Variants in CEP63 observed in about 807,000 individuals in gnomAD.
The protein encoded by CEP63 is centrosomal protein of 63 kDa.
In CEP63, 84 loss-of-function variants were observed where a neutral mutation model predicts 89.1. The ratio of observed to expected loss-of-function variants is 0.94; its 90% confidence interval spans 0.79 to 1.13. The LOEUF (loss-of-function observed/expected upper bound fraction) is 1.13. Among genes scored for constraint, CEP63 ranks in the 50% most tolerant of loss-of-function variants. The pLI is 0.00. For missense variants in CEP63, 838 were observed against 813.3 expected (o/e 1.03, Z -0.37); for synonymous variants, 267 against 272.5 (o/e 0.98, Z 0.20).
At chr3:134,511,795 A>C (rs904811421) in intron 3 of CEP63, among the ~76,000 whole-genome samples, 3 of 152,184 alleles carry the variant, frequency 2.0e-5, no homozygotes, top group African/African-American at 7.2e-5. Flanking sequence ...GCAAGGGGGA[A>C]GTCTGCCCCC....
At chr3:134,656,558 C>G in the CEP63 span, among the ~76,000 whole-genome samples, 2 of 152,120 alleles carry the variant, frequency 1.3e-5, no homozygotes, top group African/African-American at 4.8e-5. Flanking sequence ...CACTGTCACC[C>G]GAAACTGGCC....
At chr3:134,681,884 A>G in the CEP63 span, among the ~76,000 whole-genome samples, 4 of 152,240 alleles carry the variant, frequency 2.6e-5, no homozygotes, top group Admixed American at 2.0e-4. Flanking sequence ...CAGAGAAGTT[A>G]AAAATGTGCC....
chr3:134,572,550 T>C (rs945796582), intron 11 of CEP63, among the ~76,000 whole-genome samples: 5 of 152,230 alleles, frequency 3.3e-5, no homozygotes, highest in African/African-American at 1.2e-4. Context: ...GATAATGGCC[T>C]CTGGCTGCAT....
At chr3:134,690,742 GATTTT>G in the CEP63 span, among the ~76,000 whole-genome samples, 14 of 84,944 alleles carry the variant, frequency 1.6e-4, no homozygotes, top group Non-Finnish European at 2.4e-4. Flanking sequence ...GGAAGACCAA[GATTTT>G]TTTTTTTTTT....
intron 3 of CEP63, among the ~76,000 whole-genome samples, chr3:134,511,775 C>G (rs757470317): frequency 1.3e-5 from 2 of 152,148 alleles, no homozygotes; most frequent in Non-Finnish European, 2.9e-5. Flanking sequence ...AATTCACTAT[C>G]ACAAGAACAG....
At chr3:134,501,059 T>C (rs751308076) in intron 2 of CEP63, among the ~76,000 whole-genome samples, 1 of 152,190 alleles carries the variant, frequency 6.6e-6, no homozygotes, top group Non-Finnish European at 1.5e-5. Flanking sequence ...TTCATACAAG[T>C]AGCCAGTTTT....
At chr3:134,540,300 A>T (rs1215182608) in intron 6 of CEP63, among the ~76,000 whole-genome samples, 1 of 152,186 alleles carries the variant, frequency 6.6e-6, no homozygotes, top group African/African-American at 2.4e-5. Context: ...CCTATCGTTA[A>T]ATGTATAATG....
chr3:134,720,305 G>T, the CEP63 span, among the ~76,000 whole-genome samples: 1 of 151,856 alleles, frequency 6.6e-6, no homozygotes, highest in Non-Finnish European at 1.5e-5. Flanking sequence ...TTAAAAAATA[G>T]GTTACTTTTC....
chr3:134,486,523 C>T, intron 1 of CEP63: 2 of 985,820 alleles, frequency 2.0e-6, no homozygotes, highest in Non-Finnish European at 2.4e-6. Flanking sequence ...TCCTCGGAGT[C>T]CAGGTGGCTG....
Position 134,580,173 on chromosome 3 carries a change from C to T in CEP63, c.1207-7285C>T, listed in dbSNP as rs763190994. Among the ~76,000 whole-genome samples, 33 of 142,116 alleles carry T rather than the reference C, an allele frequency of 2.3e-4. No homozygotes were observed. The East Asian group carries it at 2.9e-3, about 12-fold the overall frequency. The allele number at this position is 142,116 out of a possible 152,430, so 93.2% of individuals were successfully genotyped here. A position where few individuals can be genotyped will look rare whatever the true frequency, so the allele number is the denominator to read the frequency against. On this transcript the variant is annotated intron_variant, in intron 10 of 10. Coordinates refer to the CEP63 transcript ENST00000683931. Reference sequence around the variant, plus strand: ...TTGCGCCATTGCACTCCAGCCTGGGCGACAGAGTGAGACTCCACCTCAAAA... The same window carrying T: ...TTGCGCCATTGCACTCCAGCCTGGGTGACAGAGTGAGACTCCACCTCAAAA...
At position 134,562,114 on chromosome 3, in the gene CEP63, C is replaced by T. The variant is rs1030152750; in HGVS notation, c.*579C>T. 21 of 989,820 alleles carry T rather than the reference C, an allele frequency of 2.1e-5. No individual in the cohort carries two copies. The highest frequency in any genetic ancestry group is 1.0e-3 in the Middle Eastern group (2 of 1,940). The allele number at this position is 989,820 out of a possible 1,614,324, so 61.3% of individuals were successfully genotyped here. A position where few individuals can be genotyped will look rare whatever the true frequency, so the allele number is the denominator to read the frequency against. On this transcript the variant is annotated 3_prime_UTR_variant, in exon 15 of 15. Transcript: ENST00000675561. ...TCAAGCAGTCCTCTCTTGCTCAACACTCATGCAGAGGAGAGAGGCAGGGAG... is the reference window on the plus strand; with the variant it reads ...TCAAGCAGTCCTCTCTTGCTCAACATTCATGCAGAGGAGAGAGGCAGGGAG...
chr3:134,781,709 T>C, the CEP63 span, among the ~76,000 whole-genome samples: 1 of 152,252 alleles, frequency 6.6e-6, no homozygotes, highest in African/African-American at 2.4e-5. Context: ...GTTGCTGATG[T>C]TTAAGAAAGC....
the CEP63 span, among the ~76,000 whole-genome samples, chr3:134,715,605 T>C: frequency 6.6e-6 from 1 of 151,722 alleles, no homozygotes; most frequent in Non-Finnish European, 1.5e-5. Flanking sequence ...CATTGCACAT[T>C]GTGATATCAG....
intron 11 of CEP63, among the ~76,000 whole-genome samples, chr3:134,551,251 C>T (rs1272304154): frequency 6.6e-6 from 1 of 152,124 alleles, no homozygotes; most frequent in Non-Finnish European, 1.5e-5. Context: ...TGTGGCTGTC[C>T]TTTCTTCATG....
the CEP63 span, among the ~76,000 whole-genome samples, chr3:134,757,782 C>T: frequency 6.6e-6 from 1 of 151,978 alleles, no homozygotes. Flanking sequence ...GGGTCCCCAC[C>T]AAAGGTAGTG....
chr3:134,690,889 C>G, the CEP63 span, among the ~76,000 whole-genome samples: 1 of 152,014 alleles, frequency 6.6e-6, no homozygotes, highest in Admixed American at 6.5e-5. Flanking sequence ...GCTGGGATTA[C>G]AGGCTCCCGC....
At chr3:134,506,960 C>G in intron 2 of CEP63, 149 bp from the exon 3 acceptor site, 172 of 275,324 alleles carry the variant, frequency 6.2e-4, no homozygotes, top group East Asian at 2.1e-3. Flanking sequence ...CAATCCTATT[C>G]TTTGCTTCTG....
chr3:134,749,772 A>G, the CEP63 span, among the ~76,000 whole-genome samples: 8 of 149,402 alleles, frequency 5.4e-5, no homozygotes, highest in Non-Finnish European at 1.0e-4. Context: ...GGATGATAAA[A>G]TGAAATGAGA....
At chr3:134,538,198 G>GTTTTTTT (rs66539157) in intron 6 of CEP63, among the ~76,000 whole-genome samples, 1 of 112,614 alleles carries the variant, frequency 8.9e-6, no homozygotes. Flanking sequence ...AGAAGGGAGG[G>GTTTTTTT]TTTTTTTTTT....
Sources: allele counts gnomAD v4.1 joint callset (sites outside exome capture counted in the v4.1 genomes callset), GRCh38; gene constraint gnomAD v4.1.1; transcripts MANE v1.5; gene names NCBI Gene and HGNC (gene_info 2026-07-23, HGNC 2026-07-21).